The following SYN3 variants were observed in gnomAD, a reference collection of about 807,000 sequenced individuals.
SYN3 encodes the protein synapsin III.
In SYN3, 35 loss-of-function variants were observed where a neutral mutation model predicts 65.8. The observed-to-expected ratio is 0.53, with a 90% confidence interval of 0.41 to 0.70. SYN3 has a LOEUF of 0.70. Among genes scored for constraint, SYN3 ranks in the 30% least tolerant of loss-of-function variants. The pLI is 0.00. For missense variants in SYN3, 680 were observed against 749.0 expected, an observed-to-expected ratio of 0.91 and a Z score of 1.08; for synonymous variants, 270 against 292.9, an observed-to-expected ratio of 0.92 and a Z score of 0.80.
chr22:32,887,414 G>T (rs905549007), intron 4 of SYN3, among the ~76,000 whole-genome samples: 7 of 151,730 alleles, frequency 4.6e-5, no homozygotes, highest in Non-Finnish European at 8.8e-5. Context: ...GCAACTTCCC[G>T]CTGATAACCA....
At chr22:32,788,913 G>A (rs2046256753) in intron 6 of SYN3, among the ~76,000 whole-genome samples, 1 of 152,154 alleles carries the variant, frequency 6.6e-6, no homozygotes, top group South Asian at 2.1e-4. Context: ...AAGGGGAGAG[G>A]AGTGGGAACA....
chr22:32,624,925 G>T (rs950063853), intron 6 of SYN3, among the ~76,000 whole-genome samples: 1 of 152,156 alleles, frequency 6.6e-6, no homozygotes, highest in African/African-American at 2.4e-5. Flanking sequence ...AAATAAGCTG[G>T]TGACTGACCT....
At chr22:32,985,532 A>G (rs1293720180) in intron 2 of SYN3, among the ~76,000 whole-genome samples, 1 of 152,122 alleles carries the variant, frequency 6.6e-6, no homozygotes, top group African/African-American at 2.4e-5. Flanking sequence ...TAGGGCAGGG[A>G]TTGCTCCCAA....
chr22:32,711,034 C>T (rs1414342046), intron 6 of SYN3, among the ~76,000 whole-genome samples: 1 of 152,126 alleles, frequency 6.6e-6, no homozygotes, highest in African/African-American at 2.4e-5. Flanking sequence ...TCCACATCTC[C>T]AAAGGGAGCT....
intron 6 of SYN3, among the ~76,000 whole-genome samples, chr22:32,663,738 C>T (rs1459682373): frequency 6.6e-6 from 1 of 152,100 alleles, no homozygotes; most frequent in Non-Finnish European, 1.5e-5. Flanking sequence ...TCAATGTTTT[C>T]ATATTTGCAT....
chr22:32,630,564 C>T (rs888016094), intron 6 of SYN3, among the ~76,000 whole-genome samples: 2 of 152,196 alleles, frequency 1.3e-5, no homozygotes, highest in South Asian at 2.1e-4. Context: ...CTCGGCTCTG[C>T]CTCTTATTAG....
At chr22:32,558,880 A>C (rs1424324163) in intron 7 of SYN3, among the ~76,000 whole-genome samples, 1 of 152,140 alleles carries the variant, frequency 6.6e-6, no homozygotes, top group African/African-American at 2.4e-5. Context: ...CACCCGCCCC[A>C]CCTCTGACTG....
intron 6 of SYN3, among the ~76,000 whole-genome samples, chr22:32,752,186 A>C (rs899469593): frequency 3.3e-5 from 5 of 152,170 alleles, no homozygotes; most frequent in Admixed American, 1.3e-4. Context: ...ATCCTTACTG[A>C]GGGTAAAGCT....
chr22:32,701,401 G>C (rs762176909), intron 6 of SYN3, among the ~76,000 whole-genome samples: 4 of 152,036 alleles, frequency 2.6e-5, no homozygotes, highest in Non-Finnish European at 5.9e-5. Context: ...AAATTACCAG[G>C]TATGTAAGAA....
chr22:32,760,803 CA>C (rs569012062), intron 6 of SYN3, among the ~76,000 whole-genome samples: 114 of 152,188 alleles, frequency 7.5e-4, no homozygotes, highest in Non-Finnish European at 1.5e-3. Context: ...GGAACCAGAG[CA>C]ATGGATAGAT....
At chr22:32,923,751 T>C (rs1274813761) in intron 4 of SYN3, among the ~76,000 whole-genome samples, 1 of 152,198 alleles carries the variant, frequency 6.6e-6, no homozygotes, top group Non-Finnish European at 1.5e-5. Flanking sequence ...CCAGTAAACT[T>C]GTGTCATAGG....
intron 7 of SYN3, among the ~76,000 whole-genome samples, chr22:32,552,519 G>C (rs2058432632): frequency 6.6e-6 from 1 of 150,542 alleles, no homozygotes; most frequent in South Asian, 2.1e-4. Flanking sequence ...GAAACTTTTA[G>C]GTTAAAAACA....
chr22:32,704,201 A>AT (rs899651348), intron 6 of SYN3, among the ~76,000 whole-genome samples: 98 of 151,606 alleles, frequency 6.5e-4, no homozygotes, highest in African/African-American at 2.3e-3. Flanking sequence ...ATTCCTTCTG[A>AT]TTTTTTTTCC....
At position 32,644,865 on chromosome 22, in the gene SYN3, G is replaced by C. The variant is rs148127796; in HGVS notation, c.712-48129C>G. 2.6e-5 allele frequency among the ~76,000 whole-genome samples: 4 copies of C among 152,288 alleles called. No homozygotes were observed. The East Asian group carries it at 7.7e-4, about 29-fold the overall frequency. On this transcript the variant is annotated intron_variant, in intron 6 of 13. Transcript: ENST00000358763. The stretch of plus-strand genomic sequence containing the variant: ...TTTTTCTGACTGTTCCGGGAAAGGG[G>C]AGGGATGGGGGAGAACCTGGTTCAG...
intron 6 of SYN3, among the ~76,000 whole-genome samples, chr22:32,701,363 A>G (rs1347830488): frequency 6.6e-6 from 1 of 152,202 alleles, no homozygotes. Context: ...TAAGAACATA[A>G]AAATCACAAT....
At chr22:32,519,321 T>C (rs1026927476) in intron 12 of SYN3, 2 of 151,998 alleles carry the variant, frequency 1.3e-5, no homozygotes, top group Non-Finnish European at 2.9e-5. Context: ...TTTTTTTTTT[T>C]CTCACGGGTA....
intron 1 of SYN3, among the ~76,000 whole-genome samples, chr22:33,031,663 T>C (rs1343798230): frequency 6.6e-6 from 1 of 152,006 alleles, no homozygotes; most frequent in African/African-American, 2.4e-5. Context: ...ATCCGAGCTG[T>C]CCTTTCTCTT....
At chr22:32,705,011 T>C (rs535577307) in intron 6 of SYN3, among the ~76,000 whole-genome samples, 73 of 152,352 alleles carry the variant, frequency 4.8e-4, no homozygotes, top group African/African-American at 1.7e-3. Context: ...GTTTTCTGTT[T>C]ACTAGGCTGA....
intron 4 of SYN3, among the ~76,000 whole-genome samples, chr22:32,910,731 A>G (rs2050031560): frequency 6.6e-6 from 1 of 152,230 alleles, no homozygotes; most frequent in South Asian, 2.1e-4. Context: ...TCAGTGCCTC[A>G]GATTCTTCAT....
Sources: gnomAD v4.1 joint callset for allele counts (sites outside exome capture counted in the v4.1 genomes callset) on GRCh38, gnomAD v4.1.1 for gene constraint, MANE v1.5 for transcripts, NCBI Gene and HGNC (gene_info 2026-07-23, HGNC 2026-07-21) for gene names.